ALK: variants seen among roughly 807,000 people sequenced by gnomAD.
The protein encoded by ALK is ALK tyrosine kinase receptor.
A neutral mutation model predicts 163.1 loss-of-function variants in ALK; 74 were observed. That is an observed-to-expected ratio of 0.45 (90% confidence interval 0.38 to 0.55). The LOEUF is 0.55. ALK is among the 20% of genes least tolerant of loss of function. ALK has a pLI of 0.00. For synonymous variants in ALK, 960 were observed against 843.2 expected (o/e 1.14, Z -2.40); for missense variants, 2,063 against 2,105.3 (o/e 0.98, Z 0.39).
intron 3 of ALK, among the ~76,000 whole-genome samples, chr2:29,665,990 T>A (rs1573538894): frequency 6.6e-6 from 1 of 152,246 alleles, no homozygotes; most frequent in South Asian, 2.1e-4. Flanking sequence ...CATGGGTGTT[T>A]CTCATTCCCT....
chr2:29,227,689 A>G lies in ALK; in HGVS notation c.2816-17T>C. On this transcript the variant is annotated splice_polypyrimidine_tract_variant and intron_variant, in intron 16 of 28. Transcript: ENST00000389048. The surrounding 1 kb of genome is among the most constrained non-coding windows in gnomAD (Gnocchi z 4.4). ...CATTGCCGCCTGAGTAGCAAACCAG[A>G]GCAGAGTTTAACATGGGGGGTGGGT... 1.2e-6 allele frequency: 2 copies of G among 1,609,484 alleles called. No individual in the cohort carries two copies. The highest frequency in any genetic ancestry group is 2.2e-5 in the South Asian group (2 of 90,976).
chr2:29,549,278 G>C (rs1558379593), intron 3 of ALK, among the ~76,000 whole-genome samples: 1 of 152,168 alleles, frequency 6.6e-6, no homozygotes, highest in Non-Finnish European at 1.5e-5. Context: ...TTCAAGATGA[G>C]TAGTGTTCAA....
chr2:29,880,739 G>A (rs552567023), intron 1 of ALK, among the ~76,000 whole-genome samples: 1 of 152,282 alleles, frequency 6.6e-6, no homozygotes, highest in Non-Finnish European at 1.5e-5. Context: ...CCATAAAAGT[G>A]AGCCTGAAAA....
At chr2:29,810,537 T>C (rs981385097) in intron 1 of ALK, among the ~76,000 whole-genome samples, 2 of 152,048 alleles carry the variant, frequency 1.3e-5, no homozygotes, top group Non-Finnish European at 2.9e-5. Context: ...GAATAACTTG[T>C]ATTGGAGGGC....
chr2:29,394,088 C>T (rs192907750), intron 4 of ALK, among the ~76,000 whole-genome samples: 107 of 152,118 alleles, frequency 7.0e-4, no homozygotes, highest in African/African-American at 2.4e-3. Context: ...CAGACCACAC[C>T]ACACTAATTT....
chr2:29,363,683 T>G (rs763957619), intron 5 of ALK, among the ~76,000 whole-genome samples: 1 of 152,228 alleles, frequency 6.6e-6, no homozygotes, highest in Non-Finnish European at 1.5e-5. Flanking sequence ...GCCTCAGTGA[T>G]GGACACATTT....
chr2:29,713,189 G>C lies in ALK; in HGVS notation c.787+4389C>G, dbSNP rs1679157792. Among the ~76,000 whole-genome samples, 3 of 152,170 alleles carry C rather than the reference G, an allele frequency of 2.0e-5. No homozygotes were observed. In the South Asian group the frequency reaches 6.2e-4, roughly 32 times the overall value. ...CATGGTGTGCACCCTATATGTGCCT[G>C]TGTTTTCTCTTCTTATAAGGACACC... is the stretch of plus-strand genomic sequence containing the variant. On this transcript the variant is annotated intron_variant, in intron 2 of 28. Transcript: ENST00000389048.
intron 1 of ALK, among the ~76,000 whole-genome samples, chr2:29,878,142 T>C (rs1192873086): frequency 6.6e-6 from 1 of 152,198 alleles, no homozygotes; most frequent in Non-Finnish European, 1.5e-5. Context: ...ATCAATCAAG[T>C]ACACAGCTTT....
intron 4 of ALK, among the ~76,000 whole-genome samples, chr2:29,496,209 T>A (rs62129127): frequency 2.8e-3 from 426 of 152,372 alleles, no homozygotes; most frequent in Non-Finnish European, 3.7e-3. Flanking sequence ...GAATGTAGGA[T>A]AGCATATGCT....
intron 1 of ALK, among the ~76,000 whole-genome samples, chr2:29,906,332 G>T (rs1350876188): frequency 1.3e-5 from 2 of 152,160 alleles, no homozygotes; most frequent in African/African-American, 4.8e-5. Context: ...GCCCATGTCT[G>T]TTTTGTTCAT....
At chr2:29,197,090 A>G (rs1558606323) in intron 27 of ALK, among the ~76,000 whole-genome samples, 1 of 152,198 alleles carries the variant, frequency 6.6e-6, no homozygotes, top group Non-Finnish European at 1.5e-5. Flanking sequence ...CTGTCACTCC[A>G]TTCCTGAGTT....
At chr2:29,444,006 G>A (rs1346292261) in intron 4 of ALK, among the ~76,000 whole-genome samples, 6 of 152,178 alleles carry the variant, frequency 3.9e-5, no homozygotes, top group Non-Finnish European at 2.9e-5. Context: ...ATTTGCAAAA[G>A]GAGAAACTGA....
rs56348355 is a variant in ALK, at chr2:29,852,832, T to TTCTCTC, written c.667+67155_667+67160dup. On this transcript the variant is annotated intron_variant, in intron 1 of 28. Coordinates refer to ENST00000389048, the MANE Select transcript of ALK (RefSeq NM_004304.5). ...AGAAAGGGATGAAAAGACCAGAGCT[T>TTCTCTC]TCTCTCTCTCTCTCTCTCTCTCTCT... is the stretch of plus-strand genomic sequence containing the variant. 2.2e-3 allele frequency among the ~76,000 whole-genome samples: 326 copies of TTCTCTC among 148,574 alleles called. 1 individual carries two copies. The highest frequency in any genetic ancestry group is 6.1e-3 in the African/African-American group (241 of 39,688).
chr2:29,200,826 C>CAT (rs1558608947), intron 26 of ALK, among the ~76,000 whole-genome samples: 3 of 93,872 alleles, frequency 3.2e-5, no homozygotes, highest in African/African-American at 1.0e-4. Flanking sequence ...TACATATATA[C>CAT]GTATATATAT....
intron 1 of ALK, among the ~76,000 whole-genome samples, chr2:29,877,315 A>G (rs550515548): frequency 1.0e-3 from 157 of 152,110 alleles, no homozygotes; most frequent in Non-Finnish European, 4.3e-4. Context: ...TGCCATTCCC[A>G]TTCTTGGTCT....
chr2:29,777,979 A>T (rs1681224975), intron 1 of ALK, among the ~76,000 whole-genome samples: 1 of 152,190 alleles, frequency 6.6e-6, no homozygotes, highest in Non-Finnish European at 1.5e-5. Context: ...AAAAACAGTG[A>T]TGCTCAGATG....
intron 6 of ALK, among the ~76,000 whole-genome samples, chr2:29,322,936 G>T (rs1319236195): frequency 6.6e-6 from 1 of 152,226 alleles, no homozygotes; most frequent in Non-Finnish European, 1.5e-5. Context: ...CCGGCCTGAG[G>T]TGGGAGATGC....
intron 1 of ALK, among the ~76,000 whole-genome samples, chr2:29,908,501 T>C (rs908571779): frequency 6.6e-6 from 1 of 152,248 alleles, no homozygotes; most frequent in Non-Finnish European, 1.5e-5. Context: ...TACCTCCTTC[T>C]GGAAGTGTTT....
At chr2:29,248,494 C>A (rs1419938334) in intron 12 of ALK, among the ~76,000 whole-genome samples, 1 of 152,168 alleles carries the variant, frequency 6.6e-6, no homozygotes, top group African/African-American at 2.4e-5. Flanking sequence ...CCCAACTGAG[C>A]GGCTTTTGGT....
Sources: gnomAD v4.1 joint callset for allele counts (sites outside exome capture counted in the v4.1 genomes callset) on GRCh38, gnomAD v4.1.1 for gene constraint, Gnocchi (gnomAD v3.1) non-coding constraint, MANE v1.5 for transcripts, NCBI Gene and HGNC (gene_info 2026-07-23, HGNC 2026-07-21) for gene names.